CRTC1: variants seen among roughly 807,000 people sequenced by gnomAD.
CRTC1 encodes the protein CREB regulated transcription coactivator 1.
CRTC1 carries 18 observed loss-of-function variants against 66.1 expected under a neutral mutation model. That is an observed-to-expected ratio of 0.27 (90% CI 0.19 to 0.40). The LOEUF is 0.40. CRTC1 is among the 10% of genes least tolerant of loss of function. CRTC1 has a pLI of 1.00. For synonymous variants in CRTC1, 416 were observed against 398.8 expected (o/e 1.04, Z -0.51); for missense variants, 669 against 887.9 (o/e 0.75, Z 3.13).
intron 1 of CRTC1, among the ~76,000 whole-genome samples, chr19:18,717,353 G>A (rs999070042): frequency 4.6e-5 from 7 of 152,056 alleles, no homozygotes; most frequent in Non-Finnish European, 7.4e-5. Context: ...TCTGTCCTTG[G>A]TGCAGTAATG....
At chr19:18,767,176 A>T (rs1390213490) in intron 9 of CRTC1, among the ~76,000 whole-genome samples, 3 of 152,036 alleles carry the variant, frequency 2.0e-5, no homozygotes, top group African/African-American at 7.2e-5. Context: ...TGACATTTTT[A>T]AAATTTTTTT....
intron 1 of CRTC1, among the ~76,000 whole-genome samples, chr19:18,700,012 A>G (rs1332932310): frequency 6.6e-6 from 1 of 152,084 alleles, no homozygotes; most frequent in African/African-American, 2.4e-5. Flanking sequence ...TCTCACACCC[A>G]TGGATCCTGA....
chr19:18,780,571 C>T lies in CRTC1; in HGVS notation c.*3189C>T. On this transcript the variant is annotated 3_prime_UTR_variant, in exon 14 of 14. Coordinates refer to ENST00000321949, the MANE Select transcript of CRTC1 (RefSeq NM_015321.3). Reference sequence around the variant, plus strand: ...CCCTAGCCAGGAGGGCCCCCCATGTCCATCCATCCCTCCTGCTGGGGCTTG... The same window carrying T: ...CCCTAGCCAGGAGGGCCCCCCATGTTCATCCATCCCTCCTGCTGGGGCTTG... 1 of 230,978 alleles carries T rather than the reference C, an allele frequency of 4.3e-6. No homozygotes were observed. The highest frequency in any genetic ancestry group is 6.2e-5 in the East Asian group (1 of 16,246). 14.3% of individuals were successfully genotyped at this position (230,978 alleles called of 1,614,324 possible).
intron 2 of CRTC1, among the ~76,000 whole-genome samples, chr19:18,743,464 G>A (rs570137114): frequency 5.3e-5 from 8 of 152,350 alleles, no homozygotes; most frequent in East Asian, 1.9e-4. Flanking sequence ...CCGCACAGCC[G>A]CCGTGCACAG....
At chr19:18,747,836 T>C (rs1310064058) in intron 4 of CRTC1, among the ~76,000 whole-genome samples, 1 of 152,062 alleles carries the variant, frequency 6.6e-6, no homozygotes, top group East Asian at 1.9e-4. Flanking sequence ...CCAGCACTTT[T>C]GGAGACCAAC....
In CRTC1 at chr19:18,777,719, C is replaced by G. The variant is rs964165090; in HGVS notation, c.*337C>G. ...GTAAGATGCGGGAAGTGTCAGCTCC[C>G]GGCGTGGCGGGCAGGCTCAGGGGAG... On this transcript the variant is annotated 3_prime_UTR_variant, in exon 14 of 14. Coordinates refer to ENST00000321949, the MANE Select transcript of CRTC1 (RefSeq NM_015321.3). The surrounding 1 kb of genome is among the most constrained non-coding windows in gnomAD (Gnocchi z 5.5). The G allele has an allele frequency of 5.5e-6, 2 of 364,774 alleles. No individual in the cohort carries two copies. Among genetic ancestry groups the G allele is most frequent in the Non-Finnish European group, 1.0e-5 (2 of 198,982 alleles). The allele number at this position is 364,774 out of a possible 1,614,324, so 22.6% of individuals were successfully genotyped here. A position where few individuals can be genotyped will look rare whatever the true frequency, so the allele number is the denominator to read the frequency against.
intron 2 of CRTC1, among the ~76,000 whole-genome samples, chr19:18,745,331 G>A (rs980731713): frequency 1.3e-5 from 2 of 152,198 alleles, no homozygotes; most frequent in African/African-American, 4.8e-5. Flanking sequence ...CCAGGAACTC[G>A]CGCTTGGCCA....
In CRTC1 at chr19:18,757,975, G is replaced by A. The variant is rs941469336; in HGVS notation, c.625-1576G>A. Among the ~76,000 whole-genome samples, 8 of 151,902 alleles carry A rather than the reference G, an allele frequency of 5.3e-5. No homozygotes were observed. In the South Asian group the frequency reaches 1.0e-3, roughly 20 times the overall value. ...GGAGCTTGCAGTGAGCCGAGATCGT[G>A]CCACTGCACTCCAGCCTGGGCGACA... is the stretch of plus-strand genomic sequence containing the variant. On this transcript the variant is annotated intron_variant, in intron 6 of 13. Transcript: ENST00000321949.
Position 18,768,564 on chromosome 19 carries a change from C to CGCCGCA in CRTC1, c.1095_1100dup (p.Gln368_Pro369dup), listed in dbSNP as rs2054786946. On this transcript the variant is annotated inframe_insertion, in exon 10 of 14. Transcript: ENST00000321949. The surrounding 1 kb of genome is among the most constrained non-coding windows in gnomAD (Gnocchi z 5.6). ...ACCCAGGCGGGCTCCCAGCAGCCAC[C>CGCCGCA]GCCGCAGCCCCAGCCCCCGCCGCCT... 6.3e-7 allele frequency: 1 copy of CGCCGCA among 1,599,418 alleles called. No individual in the cohort carries two copies. The highest frequency in any genetic ancestry group is 8.5e-7 in the Non-Finnish European group (1 of 1,174,474).
Position 18,765,479 on chromosome 19 carries a change from G to C in CRTC1, c.962G>C (p.Arg321Thr), listed in dbSNP as rs1447707976. ...CCCCTGTCCCTGAGCACAGAGGCAA[G>C]GCGTCAGCAGGCATCGCCCACCCTG... ...VSPLSLSTEARRQQASPTLSP... is the reference protein window; with the variant it reads ...VSPLSLSTEATRQQASPTLSP... Residue 321 changes from arginine to threonine, a missense_variant, in exon 9 of 14, where the codon AGG becomes ACG. Physicochemically the swap from Arg to Thr is moderately conservative, Grantham distance 71. Coordinates refer to ENST00000321949, the MANE Select transcript of CRTC1 (RefSeq NM_015321.3). The C allele has an allele frequency of 1.2e-6, 2 of 1,611,200 alleles. No individual in the cohort carries two copies. The highest frequency in any genetic ancestry group is 4.5e-5 in the East Asian group (2 of 44,876).
chr19:18,690,621 A>G (rs1315464815), intron 1 of CRTC1, among the ~76,000 whole-genome samples: 1 of 152,182 alleles, frequency 6.6e-6, no homozygotes, highest in Non-Finnish European at 1.5e-5. Flanking sequence ...TAACCCGTGA[A>G]TTGGACCTTA....
At chr19:18,697,114 TAAATA>T (rs1352005771) in intron 1 of CRTC1, among the ~76,000 whole-genome samples, 1 of 152,026 alleles carries the variant, frequency 6.6e-6, no homozygotes, top group East Asian at 1.9e-4. Flanking sequence ...TCCAGGTGTG[TAAATA>T]AGGAAGTGCC....
rs916224713 is a variant in CRTC1 at position 18,782,202 on chromosome 19, C to T, written c.*4820C>T. Reference sequence around the variant, plus strand: ...CCCGTGGGCCATGATTGTGGGCGGCCGCAGCGGGCGGGGGCAGGCGGCTCA... The same window carrying T: ...CCCGTGGGCCATGATTGTGGGCGGCTGCAGCGGGCGGGGGCAGGCGGCTCA... On this transcript the variant is annotated 3_prime_UTR_variant, in exon 14 of 14. Coordinates refer to ENST00000321949, the MANE Select transcript of CRTC1 (RefSeq NM_015321.3). The T allele has an allele frequency of 2.6e-4, 60 of 229,380 alleles. No homozygotes were observed. The highest frequency in any genetic ancestry group is 2.7e-4 in the Admixed American group (5 of 18,586). 14.2% of individuals were successfully genotyped at this position (229,380 alleles called of 1,614,324 possible).
At chr19:18,696,100 G>A (rs1018330315) in intron 1 of CRTC1, among the ~76,000 whole-genome samples, 2 of 152,150 alleles carry the variant, frequency 1.3e-5, no homozygotes, top group Non-Finnish European at 2.9e-5. Context: ...GCGTCCTCCC[G>A]GGTTTACAGA....
At chr19:18,759,616 G>C in intron 7 of CRTC1, 25 bp downstream of exon 7, 4 of 1,610,472 alleles carry the variant, frequency 2.5e-6, no homozygotes, top group Non-Finnish European at 3.4e-6. Context: ...GGCCCACCCC[G>C]CACACTGCAT....
chr19:18,756,391 A>G (rs1334252291), intron 6 of CRTC1, among the ~76,000 whole-genome samples: 1 of 149,272 alleles, frequency 6.7e-6, no homozygotes, highest in Non-Finnish European at 1.5e-5. Flanking sequence ...TCGTGCCTGT[A>G]ATCTCAACAC....
intron 1 of CRTC1, among the ~76,000 whole-genome samples, chr19:18,697,462 G>T (rs1391154726): frequency 6.6e-6 from 1 of 152,102 alleles, no homozygotes; most frequent in East Asian, 1.9e-4. Context: ...AGCGTGCACC[G>T]CCATACCTGG....
intron 2 of CRTC1, among the ~76,000 whole-genome samples, chr19:18,745,560 G>A (rs1248545206): frequency 6.6e-6 from 1 of 152,172 alleles, no homozygotes; most frequent in East Asian, 1.9e-4. Flanking sequence ...GCTCTGCCTG[G>A]CCTGTGCATG....
intron 1 of CRTC1, among the ~76,000 whole-genome samples, chr19:18,694,716 G>A (rs1320319989): frequency 6.6e-6 from 1 of 152,172 alleles, no homozygotes; most frequent in Non-Finnish European, 1.5e-5. Flanking sequence ...GATTACAGGT[G>A]TGAGTCACTG....
Sources: allele counts gnomAD v4.1 joint callset (sites outside exome capture counted in the v4.1 genomes callset), GRCh38; gene constraint gnomAD v4.1.1; non-coding constraint Gnocchi (gnomAD v3.1); transcripts MANE v1.5; gene names NCBI Gene and HGNC (gene_info 2026-07-23, HGNC 2026-07-21).